The following TUSC3 variants were observed in gnomAD, a reference collection of about 807,000 sequenced individuals.
TUSC3 encodes the protein dolichyl-diphosphooligosaccharide--protein glycosyltransferase subunit TUSC3.
TUSC3 carries 45 observed loss-of-function variants against 44.8 expected under a neutral mutation model. The observed-to-expected ratio is 1.00, with a 90% CI of 0.79 to 1.29. The LOEUF is 1.29. Ranked by LOEUF, TUSC3 falls within the 50% of genes most tolerant of loss-of-function variation. The pLI, the probability that TUSC3 is intolerant of heterozygous loss-of-function variation, is 0.00. For missense variants in TUSC3, 519 were observed against 437.9 expected, an observed-to-expected ratio of 1.19 and a Z score of -1.65; for synonymous variants, 212 against 152.9, an observed-to-expected ratio of 1.39 and a Z score of -2.85.
chr8:15,520,449 C>A (rs1450698994), intron 2 of TUSC3, among the ~76,000 whole-genome samples: 1 of 152,156 alleles, frequency 6.6e-6, no homozygotes, highest in Non-Finnish European at 1.5e-5. Flanking sequence ...CAGGGCTTAA[C>A]AGGATTCTAC....
At chr8:15,451,727 A>G (rs768004501) in intron 1 of TUSC3, among the ~76,000 whole-genome samples, 23 of 152,066 alleles carry the variant, frequency 1.5e-4, no homozygotes, top group Middle Eastern at 3.2e-3. Context: ...TGGGCTTGCA[A>G]TCGATGGGGG....
chr8:15,827,805 G>A, the TUSC3 span, among the ~76,000 whole-genome samples: 8 of 152,098 alleles, frequency 5.3e-5, no homozygotes, highest in East Asian at 9.7e-4. Flanking sequence ...AGAACTTCAA[G>A]TTGATGATAT....
In TUSC3 at chr8:15,583,767, T is replaced by C. The variant is rs572586026; in HGVS notation, c.139-39313T>C. Among the ~76,000 whole-genome samples, 3 of 152,320 alleles carry C rather than the reference T, an allele frequency of 2.0e-5. No homozygotes were observed. In the East Asian group the frequency reaches 5.8e-4, roughly 29 times the overall value. On this transcript the variant is annotated intron_variant, in intron 1 of 10. Transcript: ENST00000503731. The stretch of plus-strand genomic sequence containing the variant: ...AAATTTAATTAAAATGGATTTTTTT[T>C]CTTAAGCAAGTATTGGAAGAGTACA...
the TUSC3 span, among the ~76,000 whole-genome samples, chr8:15,787,307 T>C: frequency 6.6e-6 from 1 of 152,212 alleles, no homozygotes; most frequent in Non-Finnish European, 1.5e-5. Flanking sequence ...AAAATATTAA[T>C]ATGCTGATTA....
intron 2 of TUSC3, among the ~76,000 whole-genome samples, chr8:15,632,588 A>G (rs924670478): frequency 5.3e-5 from 8 of 152,050 alleles, no homozygotes; most frequent in African/African-American, 1.9e-4. Flanking sequence ...TTTCTCAGTA[A>G]TTTTTTACCC....
At chr8:15,756,999 G>C (rs1056727601) in intron 9 of TUSC3, among the ~76,000 whole-genome samples, 1 of 152,020 alleles carries the variant, frequency 6.6e-6, no homozygotes, top group Non-Finnish European at 1.5e-5. Flanking sequence ...AGCCTGGCAT[G>C]GTGGCACACG....
chr8:15,644,288 G>C (rs1222563899), intron 2 of TUSC3, among the ~76,000 whole-genome samples: 1 of 152,158 alleles, frequency 6.6e-6, no homozygotes, highest in African/African-American at 2.4e-5. Context: ...CAGCGTGACT[G>C]CCCTCTTCAG....
chr8:15,473,930 C>A (rs1025011746), intron 1 of TUSC3, among the ~76,000 whole-genome samples: 4 of 152,158 alleles, frequency 2.6e-5, no homozygotes, highest in Non-Finnish European at 5.9e-5. Context: ...CGAGGTTTTT[C>A]TCCAACCTAG....
chr8:15,496,993 G>GA (rs1324642812), intron 2 of TUSC3, among the ~76,000 whole-genome samples: 1 of 151,778 alleles, frequency 6.6e-6, no homozygotes, highest in Non-Finnish European at 1.5e-5. Flanking sequence ...GAACAAAACA[G>GA]AAAAAAATCC....
intron 2 of TUSC3, among the ~76,000 whole-genome samples, chr8:15,631,777 C>G (rs1805776093): frequency 6.6e-6 from 1 of 151,912 alleles, no homozygotes; most frequent in African/African-American, 2.4e-5. Flanking sequence ...GCGATCATGG[C>G]TCACTACAAC....
At chr8:15,555,252 T>C (rs6984584) in intron 1 of TUSC3, among the ~76,000 whole-genome samples, 93,478 of 117,298 alleles carry the variant, frequency 0.8, 38,465 homozygotes, top group Non-Finnish European at 0.87. Context: ...TGGCCCTTGG[T>C]TCATGTGCCA....
At chr8:15,842,133 A>G in the TUSC3 span, among the ~76,000 whole-genome samples, 1 of 152,158 alleles carries the variant, frequency 6.6e-6, no homozygotes, top group Non-Finnish European at 1.5e-5. Context: ...TACTGAACAC[A>G]AAACCTTCTT....
At chr8:15,637,712 G>A (rs1299744854) in intron 2 of TUSC3, among the ~76,000 whole-genome samples, 1 of 151,990 alleles carries the variant, frequency 6.6e-6, no homozygotes, top group South Asian at 2.1e-4. Flanking sequence ...TATGTGGGGT[G>A]GGGATGGCTA....
upstream of TUSC3, among the ~76,000 whole-genome samples, chr8:15,535,247 A>G (rs1801505548): frequency 6.6e-6 from 1 of 152,188 alleles, no homozygotes; most frequent in Non-Finnish European, 1.5e-5. Flanking sequence ...TGTGCACTCC[A>G]GTTTGAAGGC....
At chr8:15,549,655 T>C (rs906318509) in intron 1 of TUSC3, among the ~76,000 whole-genome samples, 1 of 151,610 alleles carries the variant, frequency 6.6e-6, no homozygotes, top group Admixed American at 6.6e-5. Flanking sequence ...GGGCCTCCCT[T>C]AAGGAAGGGA....
chr8:15,624,704 C>T (rs1033326914), intron 2 of TUSC3, among the ~76,000 whole-genome samples: 8 of 152,082 alleles, frequency 5.3e-5, no homozygotes, highest in South Asian at 4.1e-4. Flanking sequence ...ACTAGTCCTT[C>T]GTCAGATACT....
intron 6 of TUSC3, among the ~76,000 whole-genome samples, chr8:15,729,004 A>T (rs1563193565): frequency 6.6e-6 from 1 of 152,054 alleles, no homozygotes; most frequent in Non-Finnish European, 1.5e-5. Flanking sequence ...GTAATGGGGG[A>T]GTCCATTGAT....
chr8:15,485,477 T>C (rs1392983195), intron 2 of TUSC3, among the ~76,000 whole-genome samples: 1 of 149,110 alleles, frequency 6.7e-6, no homozygotes, highest in Non-Finnish European at 1.5e-5. Context: ...TTTTTTTTTG[T>C]TTTTTGTGAC....
At chr8:15,481,360 T>G (rs900865532) in intron 1 of TUSC3, among the ~76,000 whole-genome samples, 1 of 151,828 alleles carries the variant, frequency 6.6e-6, no homozygotes, top group Non-Finnish European at 1.5e-5. Context: ...ATTATTGAGG[T>G]AGCAGCTTCC....
Sources: allele counts gnomAD v4.1 joint callset (sites outside exome capture counted in the v4.1 genomes callset), GRCh38; gene constraint gnomAD v4.1.1; transcripts MANE v1.5; gene names NCBI Gene and HGNC (gene_info 2026-07-23, HGNC 2026-07-21).